CFAP69: variants seen among roughly 807,000 people sequenced by gnomAD.
CFAP69 encodes the protein cilia- and flagella-associated protein 69.
CFAP69 carries 92 observed loss-of-function variants against 123.0 expected under a neutral mutation model. That is an observed-to-expected ratio of 0.75 (90% confidence interval 0.63 to 0.89). CFAP69 has a LOEUF of 0.89. Among genes scored for constraint, CFAP69 ranks in the 40% least tolerant of loss-of-function variants. CFAP69 has a pLI of 0.00. For missense variants in CFAP69, 1,067 were observed against 1,096.9 expected (o/e 0.97, Z 0.39); for synonymous variants, 380 against 364.3 (o/e 1.04, Z -0.49).
chr7:90,297,141 A>G (rs1018362641), intron 15 of CFAP69, among the ~76,000 whole-genome samples: 2 of 152,184 alleles, frequency 1.3e-5, no homozygotes, highest in South Asian at 2.1e-4. Context: ...CTGTCATGTG[A>G]TGCTATACCA....
chr7:90,289,451 A>C (rs1318406313), intron 15 of CFAP69, among the ~76,000 whole-genome samples: 1 of 151,944 alleles, frequency 6.6e-6, no homozygotes, highest in African/African-American at 2.4e-5. Context: ...TGAAATCCCT[A>C]CTCAAGTCTC....
chr7:90,297,824 G>C lies in CFAP69; in HGVS notation c.1851G>C (p.Leu617Phe). The change falls in exon 16 of 23, where the codon TTG becomes TTC. Residue 617 changes from leucine (L) to phenylalanine (F), a missense_variant. Leu to Phe is a conservative substitution (Grantham distance 22). Transcript: ENST00000389297. ...AAGGCATTTTTCTCCTTTTGGATTT[G>C]TTAGCAGTAAGTATGGCTATAACAA... is the stretch of plus-strand genomic sequence containing the variant. ...EKEGIFLLLD[L>F]LALNQKKFCN... 1 of 1,572,486 alleles carries C rather than the reference G, an allele frequency of 6.4e-7. No homozygotes were observed. The highest frequency in any genetic ancestry group is 8.6e-7 in the Non-Finnish European group (1 of 1,165,482).
At chr7:90,282,454 T>C (rs1349757731) in intron 12 of CFAP69, among the ~76,000 whole-genome samples, 4 of 152,204 alleles carry the variant, frequency 2.6e-5, no homozygotes. Flanking sequence ...TCCTGTATTA[T>C]TCTGGTCACA....
intron 6 of CFAP69, among the ~76,000 whole-genome samples, chr7:90,270,821 G>A (rs964866721): frequency 6.6e-6 from 1 of 152,234 alleles, no homozygotes; most frequent in South Asian, 2.1e-4. Context: ...AGGTATACCT[G>A]CATCAAAAGG....
intron 3 of CFAP69, among the ~76,000 whole-genome samples, chr7:90,261,616 G>A (rs570814075): frequency 6.6e-6 from 1 of 152,258 alleles, no homozygotes; most frequent in Non-Finnish European, 1.5e-5. Context: ...TAATCAGTAA[G>A]TTAATGTTTT....
At chr7:90,304,408 T>A in intron 18 of CFAP69, 2 of 904,902 alleles carry the variant, frequency 2.2e-6, no homozygotes, top group Non-Finnish European at 2.8e-6. Flanking sequence ...GTCACTTGAG[T>A]TTTTTTTTTT....
At chr7:90,247,450 C>G (rs150509343) in intron 1 of CFAP69, among the ~76,000 whole-genome samples, 1 of 152,316 alleles carries the variant, frequency 6.6e-6, no homozygotes, top group East Asian at 1.9e-4. Flanking sequence ...AGTTCATTGT[C>G]AGCTTCATCA....
intron 17 of CFAP69, 105 bp downstream of exon 17, chr7:90,300,164 GT>G (rs11413344): frequency 2.7e-3 from 2,923 of 1,068,900 alleles, no homozygotes; most frequent in Middle Eastern, 4.1e-3. Flanking sequence ...TTTGTCTAAA[GT>G]TTTTTTTTTT....
rs1180013615 is a variant in CFAP69, at chr7:90,310,177, C to A, written c.2765C>A (p.Ala922Asp). 3.1e-6 allele frequency: 5 copies of A among 1,613,652 alleles called. No individual in the cohort carries two copies. The highest frequency in any genetic ancestry group is 2.7e-5 in the African/African-American group (2 of 74,862). ...AAAAAACTGCCCATTCGAGGAGGAGCCTTGCAGAGGGTGAAAGCAGTTAAA... is the reference window on the plus strand; with the variant it reads ...AAAAAACTGCCCATTCGAGGAGGAGACTTGCAGAGGGTGAAAGCAGTTAAA... ...ALKKLPIRGG[A>D]LQRVKAVKIV... Residue 922 changes from alanine (A) to aspartate (D), a missense_variant, in exon 23 of 23, where the codon GCC (alanine) becomes GAC (aspartate). Coordinates refer to ENST00000389297, the MANE Select transcript of CFAP69 (RefSeq NM_001039706.3).
At chr7:90,289,694 C>T (rs945937301) in intron 15 of CFAP69, among the ~76,000 whole-genome samples, 9 of 152,030 alleles carry the variant, frequency 5.9e-5, no homozygotes, top group Non-Finnish European at 8.8e-5. Flanking sequence ...ACAGTCTTTC[C>T]TTACCCCATA....
chr7:90,288,184 G>A (rs1026120074), intron 14 of CFAP69, 50 bp from the exon 15 acceptor site: 1 of 1,439,148 alleles, frequency 6.9e-7, no homozygotes, highest in Admixed American at 1.7e-5. Flanking sequence ...GGAAAGGGAG[G>A]AATTATTTAT....
At chr7:90,281,111 C>A (rs530950685) in intron 12 of CFAP69, among the ~76,000 whole-genome samples, 112 of 152,282 alleles carry the variant, frequency 7.4e-4, no homozygotes, top group African/African-American at 2.5e-3. Flanking sequence ...AGTATTAAGT[C>A]ATTTAGTCCT....
intron 11 of CFAP69, 104 bp downstream of exon 11, chr7:90,277,438 C>T (rs1788786213): frequency 2.0e-6 from 2 of 988,992 alleles, no homozygotes; most frequent in African/African-American, 3.4e-5. Flanking sequence ...CATATATTTA[C>T]CACAGAAAGC....
intron 17 of CFAP69, 46 bp from the exon 18 acceptor site, chr7:90,303,923 G>A: frequency 6.7e-7 from 1 of 1,491,344 alleles, no homozygotes; most frequent in South Asian, 1.4e-5. Context: ...TGTTTACTAT[G>A]GTTTTTATCT....
intron 2 of CFAP69, among the ~76,000 whole-genome samples, chr7:90,257,833 T>C (rs1409698020): frequency 6.6e-6 from 1 of 152,200 alleles, no homozygotes; most frequent in East Asian, 1.9e-4. Context: ...GCAATAAACA[T>C]GGAACTGTAG....
intron 4 of CFAP69, among the ~76,000 whole-genome samples, chr7:90,264,479 C>A (rs1798849947): frequency 6.6e-6 from 1 of 152,018 alleles, no homozygotes; most frequent in Middle Eastern, 3.4e-3. Flanking sequence ...ATGCACTGAT[C>A]TCTAAGAATG....
At chr7:90,268,929 C>G (rs1259261574) in intron 6 of CFAP69, 1 of 152,194 alleles carries the variant, frequency 6.6e-6, no homozygotes, top group Non-Finnish European at 1.5e-5. Context: ...TCTGTAATTT[C>G]TAATCAATCT....
intron 15 of CFAP69, among the ~76,000 whole-genome samples, chr7:90,293,936 T>G (rs1340561652): frequency 6.6e-6 from 1 of 152,224 alleles, no homozygotes; most frequent in Non-Finnish European, 1.5e-5. Context: ...TTGTACAACA[T>G]TTCTTGCACA....
chr7:90,304,206 C>A, intron 18 of CFAP69, 100 bp downstream of exon 18: 1 of 1,416,702 alleles, frequency 7.1e-7, no homozygotes, highest in Non-Finnish European at 9.2e-7. Context: ...GCAAAAATCT[C>A]TTTATATAGA....
Sources: gnomAD v4.1 joint callset for allele counts (sites outside exome capture counted in the v4.1 genomes callset) on GRCh38, gnomAD v4.1.1 for gene constraint, MANE v1.5 for transcripts, NCBI Gene and HGNC (gene_info 2026-07-23, HGNC 2026-07-21) for gene names.